Variants in SHANK2 observed in about 807,000 individuals in gnomAD.
SHANK2 encodes SH3 and multiple ankyrin repeat domains 2, also known as SH3 and multiple ankyrin repeat domains protein 2.
In SHANK2, 43 loss-of-function variants were observed where a neutral mutation model predicts 133.7. That is an observed-to-expected ratio of 0.32 (90% CI 0.25 to 0.41). The LOEUF is 0.41. Among genes scored for constraint, SHANK2 ranks in the 10% least tolerant of loss-of-function variants. SHANK2 has a pLI of 1.00. For missense variants in SHANK2, 1,994 were observed against 2,235.8 expected (o/e 0.89, Z 2.18); for synonymous variants, 1,017 against 952.8 (o/e 1.07, Z -1.24).
At chr11:70,529,982 G>T (rs782499169) in intron 17 of SHANK2, among the ~76,000 whole-genome samples, 2 of 152,144 alleles carry the variant, frequency 1.3e-5, no homozygotes, top group African/African-American at 4.8e-5. Context: ...AGGATGGTGC[G>T]GCTGCTATGA....
At chr11:70,619,517 C>T (rs1174437748) in intron 17 of SHANK2, among the ~76,000 whole-genome samples, 2 of 152,210 alleles carry the variant, frequency 1.3e-5, no homozygotes, top group Admixed American at 6.5e-5. Context: ...CCGTGATGAC[C>T]TCCTGATTGC....
chr11:71,127,160 T>C (rs1952207710), intron 3 of SHANK2, among the ~76,000 whole-genome samples: 1 of 152,112 alleles, frequency 6.6e-6, no homozygotes, highest in South Asian at 2.1e-4. Context: ...GAATTAGAAG[T>C]GGGGCTGACG....
chr11:71,075,247 A>G lies in SHANK2; in HGVS notation c.941T>C (p.Leu314Pro). Residue 314 changes from leucine to proline, a missense_variant, in exon 9 of 26, where the codon CTG (leucine) becomes CCG (proline). Around this residue, in one of 5 missense-constraint regions of SHANK2, gnomAD observed 653 missense variants for 563.4 expected, o/e 1.16. Transcript: ENST00000601538. ...TGCCCCGTAGAACAGCAGGTGCTCC[A>G]GGTGCTGCACGTGCCCGTACCTGCA... ...QACRYGHVQH[L>P]EHLLFYGADM... 4.0e-6 allele frequency: 1 copy of G among 250,180 alleles called. No individual in the cohort carries two copies. Among genetic ancestry groups the G allele is most frequent in the Non-Finnish European group, 8.3e-6 (1 of 120,054 alleles). The allele number at this position is 250,180 out of a possible 1,614,324, so 15.5% of individuals were successfully genotyped here. A position where few individuals can be genotyped will look rare whatever the true frequency, so the allele number is the denominator to read the frequency against.
intron 17 of SHANK2, chr11:70,603,441 A>T (rs1309108651): frequency 6.6e-6 from 1 of 152,260 alleles, no homozygotes; most frequent in Non-Finnish European, 1.5e-5. Flanking sequence ...GTCCCTCCAC[A>T]TCCTGACCCT....
rs148684625 is a variant in SHANK2, at chr11:71,231,946, T to A, written c.-112-7150A>T. ...CTAATGTTTATAGCAGCTTTATTCA[T>A]AATAGCCAAAAACTGCAAACCACCC... On this transcript the variant is annotated intron_variant, in intron 1 of 25. Transcript: ENST00000601538. Among the ~76,000 whole-genome samples the A allele has an allele frequency of 2.8e-3, 424 of 151,624 alleles. 3 individuals carry two copies. The highest frequency in any genetic ancestry group is 6.9e-3 in the Middle Eastern group (2 of 290).
chr11:71,151,167 C>T (rs535016461), intron 2 of SHANK2, among the ~76,000 whole-genome samples: 12 of 152,214 alleles, frequency 7.9e-5, no homozygotes, highest in Non-Finnish European at 7.3e-5. Context: ...CCCATCAGCC[C>T]TGGGCCCTGG....
intron 10 of SHANK2, among the ~76,000 whole-genome samples, chr11:70,901,761 G>A (rs1209767025): frequency 2.0e-5 from 3 of 152,156 alleles, no homozygotes; most frequent in Non-Finnish European, 2.9e-5. Context: ...TGGAGTACCC[G>A]GAGAAGGAGC....
At chr11:71,069,473 G>A (rs1370988999) in intron 9 of SHANK2, among the ~76,000 whole-genome samples, 7 of 151,452 alleles carry the variant, frequency 4.6e-5, no homozygotes, top group Non-Finnish European at 8.8e-5. Flanking sequence ...GCCTCATGAC[G>A]ACCATCAGCA....
At chr11:70,680,679 T>A (rs1178917132) in intron 15 of SHANK2, among the ~76,000 whole-genome samples, 2 of 152,154 alleles carry the variant, frequency 1.3e-5, no homozygotes, top group East Asian at 3.9e-4. Context: ...CCCCAGGGGT[T>A]AGGACATGGA....
intron 2 of SHANK2, among the ~76,000 whole-genome samples, chr11:71,218,181 A>C (rs1361313283): frequency 6.6e-6 from 1 of 152,110 alleles, no homozygotes; most frequent in African/African-American, 2.4e-5. Flanking sequence ...TTTTAAAAAA[A>C]TTAAAAGTTT....
chr11:70,876,184 A>C (rs1241267221), intron 11 of SHANK2, among the ~76,000 whole-genome samples: 1 of 151,862 alleles, frequency 6.6e-6, no homozygotes, highest in African/African-American at 2.4e-5. Flanking sequence ...ACATATATAC[A>C]CACACGTATA....
At chr11:70,595,264 C>T (rs947249380) in intron 17 of SHANK2, among the ~76,000 whole-genome samples, 11 of 152,220 alleles carry the variant, frequency 7.2e-5, no homozygotes, top group Non-Finnish European at 1.6e-4. Context: ...CCGTCCACCC[C>T]GACCCCCTCT....
chr11:70,819,017 G>T (rs1347352370), intron 12 of SHANK2, among the ~76,000 whole-genome samples: 2 of 152,242 alleles, frequency 1.3e-5, no homozygotes, highest in African/African-American at 4.8e-5. Flanking sequence ...GCTGGCAACA[G>T]AGCATGACCC....
intron 14 of SHANK2, among the ~76,000 whole-genome samples, chr11:70,740,229 T>C (rs1185554165): frequency 6.6e-6 from 1 of 152,184 alleles, no homozygotes; most frequent in African/African-American, 2.4e-5. Flanking sequence ...AGGTGCTGAA[T>C]GAAAGACTGA....
At chr11:70,903,287 G>T (rs1044633525) in intron 10 of SHANK2, among the ~76,000 whole-genome samples, 8 of 152,140 alleles carry the variant, frequency 5.3e-5, no homozygotes, top group Admixed American at 5.2e-4. Flanking sequence ...CGAGGCAAAA[G>T]AATTGCTTGA....
intron 10 of SHANK2, among the ~76,000 whole-genome samples, chr11:70,954,302 C>T (rs1330845691): frequency 2.0e-5 from 3 of 152,228 alleles, no homozygotes; most frequent in African/African-American, 7.2e-5. Flanking sequence ...CCAGGAACCA[C>T]AATATCACCC....
rs570325189 is a variant in SHANK2, at chr11:70,723,329, C to T, written c.1778-24566G>A. On this transcript the variant is annotated intron_variant, in intron 14 of 25. Transcript: ENST00000601538. ...TCTCTCTCTCTCTCTCTCTCTCTCT[C>T]GCTGGCCTGATGAAGCAAGCAGTTG... Among the ~76,000 whole-genome samples the T allele has an allele frequency of 1.8e-4, 27 of 152,162 alleles. No homozygotes were observed. In the East Asian group the frequency reaches 2.3e-3, roughly 13 times the overall value.
intron 17 of SHANK2, among the ~76,000 whole-genome samples, chr11:70,613,580 G>C (rs1325911246): frequency 3.9e-5 from 6 of 152,070 alleles, no homozygotes; most frequent in Non-Finnish European, 8.8e-5. Flanking sequence ...GCAGTGTTAT[G>C]AGTTAAACTG....
chr11:70,596,804 C>G (rs371912695), intron 17 of SHANK2, among the ~76,000 whole-genome samples: 13 of 152,240 alleles, frequency 8.5e-5, no homozygotes, highest in African/African-American at 3.1e-4. Context: ...GTGCTCTCCC[C>G]CAGTGTGAGG....
Sources: gnomAD v4.1 joint callset for allele counts (sites outside exome capture counted in the v4.1 genomes callset) on GRCh38, gnomAD v4.1.1 for gene constraint, gnomAD v4.1.1 regional missense constraint, MANE v1.5 for transcripts, NCBI Gene and HGNC (gene_info 2026-07-23, HGNC 2026-07-21) for gene names.